ZNF503: variants seen among roughly 807,000 people sequenced by gnomAD.
ZNF503 encodes the protein NocA-like zinc finger 2.
A neutral mutation model predicts 34.4 loss-of-function variants in ZNF503; 15 were observed. That is an observed-to-expected ratio of 0.44 (90% CI 0.29 to 0.67). The LOEUF (loss-of-function observed/expected upper bound fraction) is 0.67, where lower values mean the gene tolerates loss of function less well. Among genes scored for constraint, ZNF503 ranks in the 30% least tolerant of loss-of-function variants. The pLI is 0.13. For synonymous variants in ZNF503, 580 were observed against 456.8 expected (o/e 1.27, Z -3.44); for missense variants, 1,007 against 926.8 (o/e 1.09, Z -1.12).
the ZNF503 span, among the ~76,000 whole-genome samples, chr10:75,314,575 T>C: frequency 6.6e-6 from 1 of 152,146 alleles, no homozygotes; most frequent in Admixed American, 6.5e-5. Context: ...AGATCTAACA[T>C]TCACATTATG....
the ZNF503 span, among the ~76,000 whole-genome samples, chr10:75,309,551 AC>A: frequency 1.3e-5 from 2 of 152,110 alleles, no homozygotes; most frequent in Non-Finnish European, 2.9e-5. Context: ...AAGATCATTA[AC>A]ATTTTTTAGC....
chr10:75,398,859 G>A lies in ZNF503; in HGVS notation c.1831C>T (p.Pro611Ser). ...RYHPYSKSPL[P>S]TPGAPVPVPA... is the part of the protein sequence containing the mutation. The stretch of plus-strand genomic sequence containing the variant: ...ACCGGCACGGGGGCGCCAGGCGTGG[G>A]AAGCGGGCTCTTGGAGTAGGGGTGG... The change falls in exon 2 of 2, where the codon CCC (proline) becomes TCC (serine). Residue 611 changes from proline to serine, a missense_variant. Coordinates refer to ENST00000372524, the MANE Select transcript of ZNF503 (RefSeq NM_032772.6). The A allele has an allele frequency of 4.6e-6, 7 of 1,512,244 alleles. No individual in the cohort carries two copies. The highest frequency in any genetic ancestry group is 6.2e-6 in the Non-Finnish European group (7 of 1,135,138). The allele number at this position is 1,512,244 out of a possible 1,614,324, so 93.7% of individuals were successfully genotyped here.
the ZNF503 span, among the ~76,000 whole-genome samples, chr10:75,308,507 C>T: frequency 6.6e-6 from 1 of 152,148 alleles, no homozygotes; most frequent in Non-Finnish European, 1.5e-5. Flanking sequence ...GATGCTATAG[C>T]TGCCAGAGAT....
At chr10:75,382,659 G>A in the ZNF503 span, 1 of 357,930 alleles carries the variant, frequency 2.8e-6, no homozygotes, top group East Asian at 9.2e-5. Flanking sequence ...TCTTCTACCT[G>A]AGTCCCCCAT....
At chr10:75,304,033 C>T in the ZNF503 span, among the ~76,000 whole-genome samples, 1 of 152,042 alleles carries the variant, frequency 6.6e-6, no homozygotes, top group Non-Finnish European at 1.5e-5. Context: ...GGGGTTTCAC[C>T]ATGTTGGCCA....
At chr10:75,326,182 TTGCC>T in the ZNF503 span, among the ~76,000 whole-genome samples, 1 of 152,276 alleles carries the variant, frequency 6.6e-6, no homozygotes, top group Admixed American at 6.5e-5. Flanking sequence ...TTTTGTATAT[TTGCC>T]CTGCATCTTA....
chr10:75,331,256 GA>G, the ZNF503 span, among the ~76,000 whole-genome samples: 4 of 152,208 alleles, frequency 2.6e-5, no homozygotes, highest in African/African-American at 9.6e-5. Context: ...ATGTGCTGAT[GA>G]AAAGAATATG....
At chr10:75,323,219 G>A in the ZNF503 span, among the ~76,000 whole-genome samples, 13 of 152,236 alleles carry the variant, frequency 8.5e-5, no homozygotes, top group East Asian at 2.5e-3. Context: ...TTATTGCTGA[G>A]CAGTGTTTAA....
At chr10:75,295,011 C>T in the ZNF503 span, among the ~76,000 whole-genome samples, 1 of 152,140 alleles carries the variant, frequency 6.6e-6, no homozygotes, top group African/African-American at 2.4e-5. This position sits in a 1 kb window ranked among gnomAD's most constrained non-coding sequence, Gnocchi z 4.0. Flanking sequence ...ACGGGTCATT[C>T]ATCATCCCCA....
At chr10:75,355,857 C>T in the ZNF503 span, among the ~76,000 whole-genome samples, 8 of 152,152 alleles carry the variant, frequency 5.3e-5, no homozygotes, top group Non-Finnish European at 1.0e-4. Context: ...CTGGAAGATT[C>T]GAAGGCTGAA....
At chr10:75,281,221 A>T in the ZNF503 span, among the ~76,000 whole-genome samples, 1 of 152,048 alleles carries the variant, frequency 6.6e-6, no homozygotes, top group African/African-American at 2.4e-5. Context: ...GAGAGATGTG[A>T]CCTAGTTTGC....
Position 75,399,781 on chromosome 10 carries a change from T to A in ZNF503, c.909A>T (p.Gly303=). Residue 303 remains glycine (G), a synonymous_variant, in exon 2 of 2, where the codon GGA becomes GGT. Coordinates refer to ENST00000372524, the MANE Select transcript of ZNF503 (RefSeq NM_032772.6). ...DVNQHPDGGP[G]GKALGSDCGG... ...CGCAGTCCGAGCCCAGAGCCTTGCC[T>A]CCCGGGCCCCCATCCGGATGCTGGT... 1 of 1,594,384 alleles carries A rather than the reference T, an allele frequency of 6.3e-7. No homozygotes were observed. The highest frequency in any genetic ancestry group is 1.1e-5 in the South Asian group (1 of 89,364).
chr10:75,372,905 C>G, the ZNF503 span, among the ~76,000 whole-genome samples: 104,829 of 152,066 alleles, frequency 0.69, 36,986 homozygotes, highest in African/African-American at 0.85. Flanking sequence ...CTGGCAGAGA[C>G]CCAGAGAAGG....
Position 75,399,120 on chromosome 10 carries a change from G to C in ZNF503, c.1570C>G (p.Pro524Ala), listed in dbSNP as rs1439496878. ...GACGTGGCGAAGCGCTTGTCGCACG[G>C]CCCGTTGGCCGACACCCAGTTGCAG... ...HICNWVSANGPCDKRFATSEE... is the reference protein window; with the variant it reads ...HICNWVSANGACDKRFATSEE... Residue 524 changes from proline (P) to alanine (A), a missense_variant, in exon 2 of 2, where the codon CCG becomes GCG. Physicochemically the swap from Pro to Ala is conservative, Grantham distance 27 (BLOSUM62 -1). Coordinates refer to ENST00000372524, the MANE Select transcript of ZNF503 (RefSeq NM_032772.6). 9 of 1,613,696 alleles carry C rather than the reference G, an allele frequency of 5.6e-6. No individual in the cohort carries two copies. Among genetic ancestry groups the C allele is most frequent in the Non-Finnish European group, 7.6e-6 (9 of 1,179,814 alleles).
the ZNF503 span, among the ~76,000 whole-genome samples, chr10:75,340,564 C>T: frequency 6.6e-6 from 1 of 151,800 alleles, no homozygotes; most frequent in Admixed American, 6.6e-5. Context: ...CATAGAATAC[C>T]ATGCATCTAT....
the ZNF503 span, among the ~76,000 whole-genome samples, chr10:75,370,887 CTCTG>C: frequency 6.7e-6 from 1 of 149,624 alleles, no homozygotes; most frequent in Non-Finnish European, 1.5e-5. Flanking sequence ...CTGCTTCCTT[CTCTG>C]TCTCTCTCCA....
At chr10:75,284,060 A>AG in the ZNF503 span, 1 of 144,640 alleles carries the variant, frequency 6.9e-6, no homozygotes, top group Non-Finnish European at 1.5e-5. Flanking sequence ...GCTTACAGGT[A>AG]GGCTTTGTAA....
the ZNF503 span, among the ~76,000 whole-genome samples, chr10:75,287,843 A>T: frequency 6.6e-6 from 1 of 152,130 alleles, no homozygotes. Context: ...CTAGTTGCAA[A>T]TTCCTCAGGA....
the ZNF503 span, among the ~76,000 whole-genome samples, chr10:75,333,607 C>G: frequency 8.6e-5 from 7 of 81,864 alleles, no homozygotes; most frequent in African/African-American, 1.8e-4. Flanking sequence ...ACCTTCCTCC[C>G]GGACGGCACG....
Sources: gnomAD v4.1 joint callset for allele counts (sites outside exome capture counted in the v4.1 genomes callset) on GRCh38, gnomAD v4.1.1 for gene constraint, Gnocchi (gnomAD v3.1) non-coding constraint, MANE v1.5 for transcripts, NCBI Gene and HGNC (gene_info 2026-07-23, HGNC 2026-07-21) for gene names.